The following ATP9B variants were observed in gnomAD, a reference collection of about 807,000 sequenced individuals.
The protein encoded by ATP9B is ATPase phospholipid transporting 9B, also known as probable phospholipid-transporting ATPase IIB.
ATP9B carries 110 observed loss-of-function variants against 146.1 expected under a neutral mutation model. That is an observed-to-expected ratio of 0.75 (90% confidence interval 0.65 to 0.88). The LOEUF is 0.88. ATP9B is among the 40% of genes least tolerant of loss of function. ATP9B has a pLI of 0.00. For synonymous variants in ATP9B, 604 were observed against 569.7 expected, an observed-to-expected ratio of 1.06 and a Z score of -0.86; for missense variants, 1,499 against 1,496.4, an observed-to-expected ratio of 1.00 and a Z score of -0.03.
intron 9 of ATP9B, among the ~76,000 whole-genome samples, chr18:79,205,638 G>A (rs1042386518): frequency 2.8e-4 from 43 of 152,080 alleles, no homozygotes; most frequent in African/African-American, 8.7e-4. Context: ...CCTCCCACAC[G>A]GGACGTCTTC....
At chr18:79,306,233 G>A (rs1040820255) in intron 14 of ATP9B, among the ~76,000 whole-genome samples, 3 of 152,212 alleles carry the variant, frequency 2.0e-5, no homozygotes, top group Admixed American at 6.5e-5. Flanking sequence ...CTGAAGAAAC[G>A]TTTGACATCC....
chr18:79,376,270 G>A, intron 29 of ATP9B: 4 of 984,552 alleles, frequency 4.1e-6, no homozygotes, highest in Non-Finnish European at 4.8e-6. Flanking sequence ...CCACAGGTTA[G>A]GTGAGCTGGT....
rs148725583 is a variant in ATP9B at position 79,144,128 on chromosome 18, A to G, written c.726+268A>G. ...TGTTGCATTATCAAGATTATTTTAT[A>G]TCATCACAGAATTGTATTCAAACCT... is the stretch of plus-strand genomic sequence containing the variant. On this transcript the variant is annotated intron_variant, in intron 6 of 29. Transcript: ENST00000426216. 4.9e-3 allele frequency: 1,254 copies of G among 253,970 alleles called. 14 individuals are homozygous for G. Among genetic ancestry groups the G allele is most frequent in the East Asian group, 0.016 (220 of 13,498 alleles). 15.7% of individuals were successfully genotyped at this position (253,970 alleles called of 1,614,324 possible).
intron 14 of ATP9B, among the ~76,000 whole-genome samples, chr18:79,305,199 AC>A (rs753422741): frequency 8.5e-5 from 13 of 152,348 alleles, no homozygotes; most frequent in Non-Finnish European, 1.6e-4. Context: ...TTTCGCAGAG[AC>A]TAGACTAAAT....
At chr18:79,084,258 AC>A (rs796586755) in intron 1 of ATP9B, among the ~76,000 whole-genome samples, 1 of 151,664 alleles carries the variant, frequency 6.6e-6, no homozygotes, top group East Asian at 1.9e-4. Context: ...CCCGTTGGGT[AC>A]CCCGGGTATG....
intron 11 of ATP9B, among the ~76,000 whole-genome samples, chr18:79,236,285 G>A (rs530895033): frequency 8.5e-5 from 13 of 152,254 alleles, no homozygotes; most frequent in Non-Finnish European, 1.6e-4. Context: ...GTGTCTGGAC[G>A]TCTTGGTTTG....
At chr18:79,200,789 G>GTC (rs1600408337) in intron 9 of ATP9B, among the ~76,000 whole-genome samples, 1 of 79,116 alleles carries the variant, frequency 1.3e-5, no homozygotes, top group East Asian at 3.2e-4. Context: ...AAGTAGTGGT[G>GTC]GAATTGTTTT....
rs957021966 is a variant in ATP9B, at chr18:79,149,031, A to G, written c.726+5171A>G. On this transcript the variant is annotated intron_variant, in intron 6 of 29. Transcript: ENST00000426216. ...GTTGATAAAAGTAATCTAAGAAAAC[A>G]TAAGTAAATAGACCCATCTCTTTTC... Among the ~76,000 whole-genome samples the G allele has an allele frequency of 5.1e-5, 7 of 137,046 alleles. No individual in the cohort carries two copies. In the East Asian group the frequency reaches 8.1e-4, roughly 16 times the overall value. The allele number at this position is 137,046 out of a possible 152,430, so 89.9% of individuals were successfully genotyped here.
chr18:79,343,163 C>T (rs1246859236), intron 20 of ATP9B, among the ~76,000 whole-genome samples: 4 of 152,178 alleles, frequency 2.6e-5, no homozygotes, highest in Non-Finnish European at 5.9e-5. Flanking sequence ...GCATCAGAAT[C>T]ACAAATTAGG....
chr18:79,284,204 AGACTT>A (rs1401843579), intron 13 of ATP9B, among the ~76,000 whole-genome samples: 3 of 152,238 alleles, frequency 2.0e-5, no homozygotes, highest in Non-Finnish European at 2.9e-5. Context: ...CTCACAGGTA[AGACTT>A]GGAAATGTTT....
chr18:79,347,526 A>G (rs955213079), intron 23 of ATP9B, among the ~76,000 whole-genome samples: 3 of 152,150 alleles, frequency 2.0e-5, no homozygotes, highest in African/African-American at 7.2e-5. Context: ...TGTGACACCT[A>G]TGGTCTGTCA....
At chr18:79,072,773 G>A (rs1021429024) in intron 1 of ATP9B, among the ~76,000 whole-genome samples, 42 of 151,580 alleles carry the variant, frequency 2.8e-4, no homozygotes, top group Admixed American at 1.5e-3. Context: ...GCGGCTGGGC[G>A]GAGATGCTTC....
At chr18:79,074,248 G>A (rs1024335044) in intron 1 of ATP9B, among the ~76,000 whole-genome samples, 1 of 152,178 alleles carries the variant, frequency 6.6e-6, no homozygotes, top group Non-Finnish European at 1.5e-5. Flanking sequence ...AAAGATGGAA[G>A]TGTCAGACCC....
chr18:79,242,230 G>A (rs542983698), intron 11 of ATP9B, among the ~76,000 whole-genome samples: 1 of 152,242 alleles, frequency 6.6e-6, no homozygotes, highest in South Asian at 2.1e-4. Context: ...AACATTTTAC[G>A]GAAGACTTCT....
At chr18:79,347,291 T>A (rs2147538063) in intron 23 of ATP9B, among the ~76,000 whole-genome samples, 1 of 152,374 alleles carries the variant, frequency 6.6e-6, no homozygotes, top group African/African-American at 2.4e-5. Context: ...GGCTACTTCA[T>A]TTTGTAATGC....
intron 15 of ATP9B, among the ~76,000 whole-genome samples, chr18:79,320,551 G>A (rs528546490): frequency 7.9e-5 from 12 of 152,364 alleles, no homozygotes; most frequent in South Asian, 2.1e-4. Flanking sequence ...GCTAGCTGCC[G>A]TCAGTCTCCA....
intron 11 of ATP9B, among the ~76,000 whole-genome samples, chr18:79,242,371 C>T (rs1249726217): frequency 2.6e-5 from 4 of 152,154 alleles, no homozygotes; most frequent in Admixed American, 6.5e-5. Flanking sequence ...AACTGTCCCC[C>T]GTGGCACTGC....
At chr18:79,108,970 G>A (rs538255866) in intron 2 of ATP9B, among the ~76,000 whole-genome samples, 5 of 152,302 alleles carry the variant, frequency 3.3e-5, no homozygotes, top group East Asian at 1.9e-4. Flanking sequence ...AGAGCATTAC[G>A]ATTATATAGT....
chr18:79,071,049 C>CTTT (rs746689031), intron 1 of ATP9B, among the ~76,000 whole-genome samples: 19,850 of 111,788 alleles, frequency 0.18, 1,914 homozygotes, highest in East Asian at 0.44. Context: ...ATTCCTGTTT[C>CTTT]TTTTTTTTTT....
Sources: gnomAD v4.1 joint callset for allele counts (sites outside exome capture counted in the v4.1 genomes callset) on GRCh38, gnomAD v4.1.1 for gene constraint, MANE v1.5 for transcripts, NCBI Gene and HGNC (gene_info 2026-07-23, HGNC 2026-07-21) for gene names.